Variants in UBE3D observed in about 807,000 individuals in gnomAD.
UBE3D encodes E3 ubiquitin-protein ligase E3D.
A neutral mutation model predicts 49.6 loss-of-function variants in UBE3D; 48 were observed. The ratio of observed to expected loss-of-function variants is 0.97; its 90% confidence interval spans 0.77 to 1.23. The LOEUF is 1.23. Ranked by LOEUF, UBE3D falls within the 50% of genes most tolerant of loss-of-function variation. The probability of loss-of-function intolerance (pLI) is 0.00; values close to 1 mark genes in which losing one functional copy is unlikely to be tolerated. For missense variants in UBE3D, 452 were observed against 468.4 expected (o/e 0.96, Z 0.32); for synonymous variants, 189 against 174.2 (o/e 1.08, Z -0.67).
intron 9 of UBE3D, among the ~76,000 whole-genome samples, chr6:82,935,443 A>G (rs538729156): frequency 6.6e-6 from 1 of 152,246 alleles, no homozygotes; most frequent in African/African-American, 2.4e-5. Context: ...TTCAAACTAC[A>G]TCACCAATAT....
rs188235679 is a variant in UBE3D at position 83,042,638 on chromosome 6, C to T, written c.597+1790G>A. On this transcript the variant is annotated intron_variant, in intron 4 of 9. Coordinates refer to ENST00000369747, the MANE Select transcript of UBE3D (RefSeq NM_198920.3). ...TCAATATATCTGAGACACCACAGGG[C>T]TGCTCAGAGAGGTGGATTAGCCTCG... 3.8e-3 allele frequency among the ~76,000 whole-genome samples: 582 copies of T among 152,312 alleles called. 3 individuals are homozygous for T. Among genetic ancestry groups the T allele is most frequent in the Non-Finnish European group, 6.3e-3 (428 of 68,028 alleles).
chr6:82,942,741 G>A (rs1775104310), intron 9 of UBE3D, among the ~76,000 whole-genome samples: 1 of 152,256 alleles, frequency 6.6e-6, no homozygotes, highest in Non-Finnish European at 1.5e-5. Flanking sequence ...GATTTCAGAG[G>A]ATGTATGGAA....
the UBE3D span, among the ~76,000 whole-genome samples, chr6:82,886,280 GT>G: frequency 1.3e-5 from 2 of 152,138 alleles, no homozygotes; most frequent in Non-Finnish European, 2.9e-5. Flanking sequence ...GGATGAAACT[GT>G]TCCACTTCAG....
chr6:83,001,397 C>A (rs1779625735), intron 8 of UBE3D, among the ~76,000 whole-genome samples: 1 of 152,130 alleles, frequency 6.6e-6, no homozygotes, highest in Admixed American at 6.5e-5. Flanking sequence ...TCTCTAATAC[C>A]TGAAGTTGAA....
intron 2 of UBE3D, 54 bp downstream of exon 2, chr6:83,057,772 T>G: frequency 6.4e-7 from 1 of 1,572,342 alleles, no homozygotes; most frequent in Non-Finnish European, 8.7e-7. Flanking sequence ...AAAAATCACC[T>G]TTGGTTTATA....
At chr6:82,952,530 T>C (rs763868022) in intron 9 of UBE3D, among the ~76,000 whole-genome samples, 1 of 152,020 alleles carries the variant, frequency 6.6e-6, no homozygotes, top group African/African-American at 2.4e-5. Flanking sequence ...GCTCAAGCAA[T>C]CCTCCTACTT....
chr6:82,922,478 G>A (rs986200472), intron 9 of UBE3D, among the ~76,000 whole-genome samples: 8 of 152,114 alleles, frequency 5.3e-5, no homozygotes, highest in Non-Finnish European at 8.8e-5. Flanking sequence ...ACAAGCAATG[G>A]GGAAAAGTTT....
chr6:82,957,184 G>A, intron 9 of UBE3D, 128 bp downstream of exon 9: 1 of 932,720 alleles, frequency 1.1e-6, no homozygotes, highest in South Asian at 1.8e-5. Flanking sequence ...AGCAATACAT[G>A]CATTATGCTT....
At chr6:82,932,241 C>T (rs547304115) in intron 9 of UBE3D, among the ~76,000 whole-genome samples, 1 of 152,286 alleles carries the variant, frequency 6.6e-6, no homozygotes, top group Admixed American at 6.5e-5. Context: ...TATGATGACA[C>T]ATATCCACCA....
At chr6:82,912,481 G>T (rs1273632292) in intron 9 of UBE3D, among the ~76,000 whole-genome samples, 1 of 151,688 alleles carries the variant, frequency 6.6e-6, no homozygotes, top group Non-Finnish European at 1.5e-5. Context: ...CACAGAACAG[G>T]TACAATCATT....
intron 9 of UBE3D, among the ~76,000 whole-genome samples, chr6:82,930,209 C>A (rs964170133): frequency 6.6e-6 from 1 of 152,186 alleles, no homozygotes; most frequent in Non-Finnish European, 1.5e-5. Flanking sequence ...TTCCATTTCC[C>A]CTTTTGCCAC....
In UBE3D at chr6:82,907,430, C is replaced by G. The variant is rs147770096; in HGVS notation, c.1150-14388G>C. Among the ~76,000 whole-genome samples, 35 of 152,200 alleles carry G rather than the reference C, an allele frequency of 2.3e-4. No individual in the cohort carries two copies. In the East Asian group the frequency reaches 6.6e-3, roughly 29 times the overall value. On this transcript the variant is annotated intron_variant, in intron 9 of 9. Transcript: ENST00000369747. The stretch of plus-strand genomic sequence containing the variant: ...TCACAGTGGTTTTTATAATTTAGAT[C>G]AAATTTATTCAGATGGCCAAAGGTT...
intron 8 of UBE3D, among the ~76,000 whole-genome samples, chr6:82,970,888 ACT>A (rs1421818609): frequency 2.6e-5 from 4 of 151,708 alleles, no homozygotes; most frequent in African/African-American, 7.3e-5. Flanking sequence ...AAAACTAGGG[ACT>A]CTCTCTCCTC....
chr6:83,010,983 C>T (rs1000920124), intron 8 of UBE3D, among the ~76,000 whole-genome samples: 3 of 152,096 alleles, frequency 2.0e-5, no homozygotes, highest in East Asian at 1.9e-4. Context: ...CAAGTCGACC[C>T]CTTGTCAACT....
intron 8 of UBE3D, among the ~76,000 whole-genome samples, chr6:82,964,553 A>G (rs892954349): frequency 4.6e-5 from 7 of 152,194 alleles, no homozygotes; most frequent in Non-Finnish European, 7.4e-5. Context: ...CAAAGAGCCT[A>G]TTAAAGATAT....
At chr6:82,947,257 T>G (rs897965363) in intron 9 of UBE3D, among the ~76,000 whole-genome samples, 9 of 151,968 alleles carry the variant, frequency 5.9e-5, no homozygotes, top group African/African-American at 2.2e-4. Context: ...ATATAATGAT[T>G]GTAAATATAT....
intron 1 of UBE3D, 46 bp downstream of exon 1, chr6:83,065,596 A>C (rs1269595807): frequency 6.3e-7 from 1 of 1,588,486 alleles, no homozygotes; most frequent in South Asian, 1.1e-5. Context: ...ACCCCCGGGC[A>C]GCAGTAAAGC....
At position 83,065,824 on chromosome 6, in the gene UBE3D, T is replaced by C; in HGVS notation, c.-106A>G. The C allele has an allele frequency of 8.3e-7, 1 of 1,200,746 alleles. No homozygotes were observed. Among genetic ancestry groups the C allele is most frequent in the South Asian group, 1.4e-5 (1 of 72,596 alleles). 74.4% of individuals were successfully genotyped at this position (1,200,746 alleles called of 1,614,324 possible). A position where few individuals can be genotyped will look rare whatever the true frequency, so the allele number is the denominator to read the frequency against. The stretch of plus-strand genomic sequence containing the variant: ...GCGGACCAACCAGCGGCAGCCCCGC[T>C]GCGGCGCAGGCGCCTGTGCCAGATC... On this transcript the variant is annotated 5_prime_UTR_variant, in exon 1 of 10. Transcript: ENST00000369747.
At chr6:82,996,583 G>A (rs1297786640) in intron 8 of UBE3D, among the ~76,000 whole-genome samples, 2 of 152,054 alleles carry the variant, frequency 1.3e-5, no homozygotes, top group Non-Finnish European at 2.9e-5. Context: ...GCATGAGAAG[G>A]GAAAAAGAGT....
Sources: gnomAD v4.1 joint callset for allele counts (sites outside exome capture counted in the v4.1 genomes callset) on GRCh38, gnomAD v4.1.1 for gene constraint, MANE v1.5 for transcripts, NCBI Gene and HGNC (gene_info 2026-07-23, HGNC 2026-07-21) for gene names.